The following GSK3B variants were observed in gnomAD, a reference collection of about 807,000 sequenced individuals.
GSK3B encodes glycogen synthase kinase 3 beta, also known as glycogen synthase kinase-3 beta.
In GSK3B, 15 loss-of-function variants were observed where a neutral mutation model predicts 56.4. The observed-to-expected ratio is 0.27, with a 90% CI of 0.18 to 0.41. The LOEUF (loss-of-function observed/expected upper bound fraction) is 0.41. Among genes scored for constraint, GSK3B ranks in the 10% least tolerant of loss-of-function variants. The pLI is 1.00. For missense variants in GSK3B, 300 were observed against 513.4 expected, an observed-to-expected ratio of 0.58 and a Z score of 4.02; for synonymous variants, 181 against 188.9, an observed-to-expected ratio of 0.96 and a Z score of 0.34.
intron 5 of GSK3B, among the ~76,000 whole-genome samples, chr3:119,914,566 A>T (rs79271247): frequency 1.7e-4 from 26 of 152,158 alleles, no homozygotes; most frequent in African/African-American, 6.0e-4. Flanking sequence ...TCCTATAGAC[A>T]AGTAGTAGTG....
rs2058023421 is a variant in GSK3B, at chr3:120,036,422, G to A, written c.89-34183C>T. Among the ~76,000 whole-genome samples, 4 of 151,984 alleles carry A rather than the reference G, an allele frequency of 2.6e-5. No individual in the cohort carries two copies. In the South Asian group the frequency reaches 6.2e-4, roughly 24 times the overall value. The stretch of plus-strand genomic sequence containing the variant: ...GTTGTTGCAATACCCCCAGAGTATC[G>A]CCAATTAAAGTATCTAAGAGAAGGG... On this transcript the variant is annotated intron_variant, in intron 1 of 10. Transcript: ENST00000264235.
At chr3:120,083,669 AG>A (rs1333239429) in intron 1 of GSK3B, among the ~76,000 whole-genome samples, 2 of 152,204 alleles carry the variant, frequency 1.3e-5, no homozygotes, top group Non-Finnish European at 2.9e-5. Flanking sequence ...ATACCCCAAA[AG>A]ATCTGAAAAC....
chr3:120,078,833 G>A (rs944804102), intron 1 of GSK3B, among the ~76,000 whole-genome samples: 1 of 150,726 alleles, frequency 6.6e-6, no homozygotes, highest in African/African-American at 2.4e-5. Flanking sequence ...TTACAGACGT[G>A]AGCCACCGCA....
chr3:119,836,274 C>A (rs758373165), intron 10 of GSK3B, among the ~76,000 whole-genome samples: 12 of 152,044 alleles, frequency 7.9e-5, no homozygotes, highest in Non-Finnish European at 1.5e-4. Flanking sequence ...AATAAAGTAA[C>A]AGTAAGAGCT....
chr3:120,059,307 C>T (rs893926831), intron 1 of GSK3B, among the ~76,000 whole-genome samples: 34 of 152,168 alleles, frequency 2.2e-4, no homozygotes, highest in African/African-American at 8.0e-4. Flanking sequence ...CGTTACTGCC[C>T]TATTTGACTT....
At chr3:120,022,149 A>G (rs2057883982) in intron 1 of GSK3B, among the ~76,000 whole-genome samples, 1 of 152,222 alleles carries the variant, frequency 6.6e-6, no homozygotes, top group Non-Finnish European at 1.5e-5. Context: ...CCTTTTAAAC[A>G]ATTGGCACAG....
intron 3 of GSK3B, among the ~76,000 whole-genome samples, chr3:119,941,264 G>A (rs1020853568): frequency 7.9e-5 from 12 of 152,062 alleles, no homozygotes; most frequent in Admixed American, 5.9e-4. Flanking sequence ...AGATTCACCC[G>A]CCTCGGCCTC....
intron 1 of GSK3B, among the ~76,000 whole-genome samples, chr3:120,056,998 A>C (rs1179826275): frequency 6.6e-6 from 1 of 152,250 alleles, no homozygotes; most frequent in Non-Finnish European, 1.5e-5. Flanking sequence ...TACAAAAATT[A>C]GCAATGCGTG....
At chr3:119,981,808 C>T (rs2057465961) in intron 2 of GSK3B, among the ~76,000 whole-genome samples, 2 of 152,258 alleles carry the variant, frequency 1.3e-5, no homozygotes, top group Admixed American at 6.5e-5. Flanking sequence ...CAGACATAAA[C>T]GTCCCTATCT....
rs377194335 is a variant in GSK3B, at chr3:119,909,752, G to A, written c.715+2952C>T. 6.6e-5 allele frequency among the ~76,000 whole-genome samples: 10 copies of A among 152,298 alleles called. No homozygotes were observed. The East Asian group carries it at 1.9e-3, about 29-fold the overall frequency. ...GATTAAAGCTAATGGTCTCTATTCAGTTCCTCCTATCACTAAACATCTGGG... is the reference window on the plus strand; with the variant it reads ...GATTAAAGCTAATGGTCTCTATTCAATTCCTCCTATCACTAAACATCTGGG... On this transcript the variant is annotated intron_variant, in intron 6 of 10. Coordinates refer to ENST00000264235, the MANE Select transcript of GSK3B (RefSeq NM_001146156.2).
At chr3:119,943,658 A>G (rs559617952) in intron 3 of GSK3B, among the ~76,000 whole-genome samples, 1 of 152,134 alleles carries the variant, frequency 6.6e-6, no homozygotes, top group African/African-American at 2.4e-5. Flanking sequence ...ATTTAGAAGC[A>G]ATCAGAAAGA....
intron 1 of GSK3B, among the ~76,000 whole-genome samples, chr3:120,026,544 CACACACACAA>C (rs1214419493): frequency 1.3e-4 from 18 of 140,864 alleles, no homozygotes; most frequent in African/African-American, 5.3e-4. Context: ...CACACACACA[CACACACACAA>C]ACACACACAC....
At chr3:119,857,080 C>T (rs1227720779) in intron 9 of GSK3B, among the ~76,000 whole-genome samples, 2 of 152,140 alleles carry the variant, frequency 1.3e-5, no homozygotes, top group African/African-American at 4.8e-5. Context: ...AATACTTTAT[C>T]ACTAAAAAAT....
chr3:120,074,662 T>C (rs2058354884), intron 1 of GSK3B, among the ~76,000 whole-genome samples: 1 of 152,080 alleles, frequency 6.6e-6, no homozygotes. Flanking sequence ...TGTGATAACT[T>C]AGAAGAAAAG....
At chr3:120,013,336 A>G (rs1273796985) in intron 1 of GSK3B, among the ~76,000 whole-genome samples, 1 of 152,222 alleles carries the variant, frequency 6.6e-6, no homozygotes, top group African/African-American at 2.4e-5. Flanking sequence ...ATTTAATTTG[A>G]TGTTTCTTGT....
intron 1 of GSK3B, among the ~76,000 whole-genome samples, chr3:120,007,236 A>G (rs571552526): frequency 9.8e-5 from 15 of 152,322 alleles, no homozygotes; most frequent in African/African-American, 3.6e-4. Context: ...TGAATAGATC[A>G]ATAACAGGTT....
intron 1 of GSK3B, among the ~76,000 whole-genome samples, chr3:120,040,292 C>A (rs2107530794): frequency 6.6e-6 from 1 of 152,336 alleles, no homozygotes; most frequent in South Asian, 2.1e-4. Flanking sequence ...TCACCTCATA[C>A]AGCTTAGGGC....
At position 119,824,580 on chromosome 3, in the gene GSK3B, A is replaced by T; in HGVS notation, c.*2208T>A. The T allele has an allele frequency of 4.8e-6, 1 of 207,644 alleles. No homozygotes were observed. The highest frequency in any genetic ancestry group is 9.8e-6 in the Non-Finnish European group (1 of 101,844). The allele number at this position is 207,644 out of a possible 1,614,324, so 12.9% of individuals were successfully genotyped here. On this transcript the variant is annotated 3_prime_UTR_variant, in exon 11 of 11. Coordinates refer to ENST00000264235, the MANE Select transcript of GSK3B (RefSeq NM_001146156.2). ...ACCTGCCTTTTCAGATTCTTTATAA[A>T]TTCTGTCTGAAAATGGTCTATCAAC...
intron 5 of GSK3B, among the ~76,000 whole-genome samples, chr3:119,913,903 A>T (rs2056758248): frequency 6.6e-6 from 1 of 152,236 alleles, no homozygotes; most frequent in African/African-American, 2.4e-5. Flanking sequence ...AGGCTGCATG[A>T]AAATTATGAC....
Sources: allele counts gnomAD v4.1 joint callset (sites outside exome capture counted in the v4.1 genomes callset), GRCh38; gene constraint gnomAD v4.1.1; transcripts MANE v1.5; gene names NCBI Gene and HGNC (gene_info 2026-07-23, HGNC 2026-07-21).